Variants in TENM3 observed in about 807,000 individuals in gnomAD.
TENM3 encodes teneurin transmembrane protein 3.
In TENM3, 63 loss-of-function variants were observed where a neutral mutation model predicts 255.1. That is an observed-to-expected ratio of 0.25 (90% CI 0.20 to 0.30). TENM3 has a LOEUF of 0.30. Ranked by LOEUF, TENM3 falls within the 10% of genes least tolerant of loss-of-function variation. The pLI, the probability that TENM3 is intolerant of heterozygous loss-of-function variation, is 1.00. For missense variants in TENM3, 2,929 were observed against 3,461.1 expected (o/e 0.85, Z 3.86); for synonymous variants, 1,306 against 1,322.3 (o/e 0.99, Z 0.27).
intron 1 of TENM3, among the ~76,000 whole-genome samples, chr4:182,294,037 A>G (rs1221904246): frequency 2.6e-5 from 4 of 152,116 alleles, no homozygotes; most frequent in Admixed American, 6.6e-5. Context: ...AGGCCCGGGT[A>G]AACTTCAGGA....
chr4:182,799,488 G>C lies in TENM3; in HGVS notation c.7345-108G>C. The C allele has an allele frequency of 1.4e-6, 2 of 1,408,534 alleles. No homozygotes were observed. The highest frequency in any genetic ancestry group is 1.9e-6 in the Non-Finnish European group (2 of 1,064,046). The allele number at this position is 1,408,534 out of a possible 1,614,324, so 87.3% of individuals were successfully genotyped here. A position where few individuals can be genotyped will look rare whatever the true frequency, so the allele number is the denominator to read the frequency against. On this transcript the variant is annotated intron_variant, in intron 27 of 27. Coordinates refer to ENST00000511685, the MANE Select transcript of TENM3 (RefSeq NM_001080477.4). The surrounding 1 kb of genome is among the most constrained non-coding windows in gnomAD (Gnocchi z 4.2). ...GCCTTCTGGTCAGGGAAGGACCCCG[G>C]GGCTTCCATGCATGCCCCGGCGCTG...
At chr4:181,699,832 C>A in the TENM3 span, among the ~76,000 whole-genome samples, 1 of 152,182 alleles carries the variant, frequency 6.6e-6, no homozygotes, top group Non-Finnish European at 1.5e-5. Context: ...CCACAATTAA[C>A]GAAAGGCTGC....
At chr4:182,770,713 G>GTAA (rs1561228133) in intron 22 of TENM3, among the ~76,000 whole-genome samples, 3 of 152,116 alleles carry the variant, frequency 2.0e-5, no homozygotes, top group African/African-American at 7.2e-5. Context: ...ACACTCATTT[G>GTAA]TAATAGTTAA....
At chr4:182,205,271 CTAAAA>C (rs1754479156) in intron 1 of TENM3, among the ~76,000 whole-genome samples, 1 of 152,232 alleles carries the variant, frequency 6.6e-6, no homozygotes, top group Non-Finnish European at 1.5e-5. Context: ...GCTCTCCTAA[CTAAAA>C]TAGTTGACGT....
At chr4:182,501,740 C>T (rs990555876) in intron 3 of TENM3, among the ~76,000 whole-genome samples, 1 of 152,074 alleles carries the variant, frequency 6.6e-6, no homozygotes, top group Admixed American at 6.5e-5. Flanking sequence ...TTATTATAAG[C>T]TTGTCTGCAT....
intron 1 of TENM3, among the ~76,000 whole-genome samples, chr4:182,183,132 A>C (rs1752942918): frequency 6.6e-6 from 1 of 152,196 alleles, no homozygotes; most frequent in Non-Finnish European, 1.5e-5. Flanking sequence ...AGCAACTGAA[A>C]AAATAGGGAG....
the TENM3 span, among the ~76,000 whole-genome samples, chr4:182,017,667 G>A: frequency 2.0e-5 from 3 of 152,122 alleles, no homozygotes; most frequent in African/African-American, 7.2e-5. Context: ...AATGATACAG[G>A]CTTTTAAAGG....
chr4:181,853,686 C>T, the TENM3 span, among the ~76,000 whole-genome samples: 1 of 152,140 alleles, frequency 6.6e-6, no homozygotes, highest in Non-Finnish European at 1.5e-5. Context: ...GTTGACTATA[C>T]ACATGCTGAA....
chr4:182,648,004 C>A (rs1336181219), intron 5 of TENM3, among the ~76,000 whole-genome samples: 1 of 152,178 alleles, frequency 6.6e-6, no homozygotes, highest in East Asian at 1.9e-4. Context: ...GTTTGCACTT[C>A]CTGAGATTTG....
the TENM3 span, among the ~76,000 whole-genome samples, chr4:181,917,618 C>T: frequency 2.0e-5 from 3 of 151,350 alleles, no homozygotes; most frequent in Admixed American, 1.3e-4. Flanking sequence ...CCCAACTCAG[C>T]GCTCAGCATC....
intron 6 of TENM3, among the ~76,000 whole-genome samples, chr4:182,670,163 T>C (rs1386934059): frequency 1.3e-5 from 2 of 152,226 alleles, no homozygotes; most frequent in Non-Finnish European, 2.9e-5. Flanking sequence ...ATGTTCTAAT[T>C]TTGCTGAAAT....
intron 3 of TENM3, among the ~76,000 whole-genome samples, chr4:182,447,807 A>G (rs1464011813): frequency 6.6e-6 from 1 of 152,194 alleles, no homozygotes; most frequent in Non-Finnish European, 1.5e-5. Flanking sequence ...TGAATCTAAA[A>G]ATTCACGAAC....
chr4:182,094,535 G>A, the TENM3 span, among the ~76,000 whole-genome samples: 3 of 152,076 alleles, frequency 2.0e-5, no homozygotes, highest in African/African-American at 4.8e-5. Context: ...CGTGAGCCAC[G>A]GCACGCAGCC....
the TENM3 span, among the ~76,000 whole-genome samples, chr4:182,087,657 C>G: frequency 6.7e-6 from 1 of 148,450 alleles, no homozygotes; most frequent in Non-Finnish European, 1.5e-5. Context: ...ATAGATGGAT[C>G]GACATTAATA....
chr4:182,515,687 C>T (rs1737867521), intron 3 of TENM3, among the ~76,000 whole-genome samples: 1 of 152,084 alleles, frequency 6.6e-6, no homozygotes. Context: ...GGAGAGGAGA[C>T]TTCTGTAATA....
At position 182,792,148 on chromosome 4, in the gene TENM3, G is replaced by T; in HGVS notation, c.5602-126G>T. ...AAACGTTAACAACACGCAAGGTCAA[G>T]GATAACTCAATTAAAATGAAAATCA... On this transcript the variant is annotated intron_variant, in intron 25 of 27. Transcript: ENST00000511685. This position sits in a 1 kb window ranked among gnomAD's most constrained non-coding sequence, Gnocchi z 6.3. 1 of 944,630 alleles carries T rather than the reference G, an allele frequency of 1.1e-6. No individual in the cohort carries two copies. The allele number at this position is 944,630 out of a possible 1,614,324, so 58.5% of individuals were successfully genotyped here. A position where few individuals can be genotyped will look rare whatever the true frequency, so the allele number is the denominator to read the frequency against.
At chr4:182,439,320 G>C (rs974745477) in intron 3 of TENM3, among the ~76,000 whole-genome samples, 1 of 152,150 alleles carries the variant, frequency 6.6e-6, no homozygotes, top group African/African-American at 2.4e-5. Context: ...ATGTTTCTAT[G>C]ATTTCCCTTA....
the TENM3 span, among the ~76,000 whole-genome samples, chr4:181,893,780 A>C: frequency 2.4e-4 from 37 of 152,266 alleles, no homozygotes; most frequent in South Asian, 7.5e-3. Context: ...TTTAGGTTAA[A>C]ATGTTTTAGC....
intron 24 of TENM3, among the ~76,000 whole-genome samples, chr4:182,782,002 C>A: frequency 7.8e-6 from 1 of 128,860 alleles, no homozygotes; most frequent in African/African-American, 3.0e-5. Flanking sequence ...TTTCAAAAAA[C>A]CAGCTCCTGG....
Sources: allele counts gnomAD v4.1 joint callset (sites outside exome capture counted in the v4.1 genomes callset), GRCh38; gene constraint gnomAD v4.1.1; non-coding constraint Gnocchi (gnomAD v3.1); transcripts MANE v1.5; gene names NCBI Gene and HGNC (gene_info 2026-07-23, HGNC 2026-07-21).